EXOC6B: variants seen among roughly 807,000 people sequenced by gnomAD.
The protein encoded by EXOC6B is exocyst complex component 6B, also known as SEC15 homolog B.
A neutral mutation model predicts 113.5 loss-of-function variants in EXOC6B; 54 were observed. The observed-to-expected ratio is 0.48, with a 90% CI of 0.38 to 0.60. EXOC6B has a LOEUF of 0.60. Among genes scored for constraint, EXOC6B ranks in the 20% least tolerant of loss-of-function variants. EXOC6B has a pLI of 0.00. For missense variants in EXOC6B, 797 were observed against 977.5 expected (o/e 0.82, Z 2.46); for synonymous variants, 357 against 339.0 (o/e 1.05, Z -0.58).
At chr2:72,187,133 G>A (rs1491003143) in intron 20 of EXOC6B, among the ~76,000 whole-genome samples, 1 of 152,122 alleles carries the variant, frequency 6.6e-6, no homozygotes, top group Non-Finnish European at 1.5e-5. Context: ...GAATGCAGCT[G>A]GACCAGGTGC....
chr2:72,480,202 TA>T (rs57087043), intron 17 of EXOC6B, among the ~76,000 whole-genome samples: 33,071 of 144,544 alleles, frequency 0.23, 5,918 homozygotes, highest in African/African-American at 0.51. Flanking sequence ...AGATTTGATT[TA>T]AAAAAAAAAA....
In EXOC6B at chr2:72,532,723, G is replaced by T. The variant is rs372170919; in HGVS notation, c.916-17597C>A. On this transcript the variant is annotated intron_variant, in intron 8 of 21. Transcript: ENST00000272427. ...CTCTGGAGGCTGAGGCAGGAGAATTGCTTGGACCCAGGAGGCGGAGGTTGC... is the reference window on the plus strand; with the variant it reads ...CTCTGGAGGCTGAGGCAGGAGAATTTCTTGGACCCAGGAGGCGGAGGTTGC... 3.4e-4 allele frequency among the ~76,000 whole-genome samples: 52 copies of T among 152,208 alleles called. 1 individual carries two copies. In the East Asian group the frequency reaches 9.3e-3, roughly 27 times the overall value.
intron 11 of EXOC6B, among the ~76,000 whole-genome samples, chr2:72,504,232 C>T (rs551092208): frequency 3.3e-5 from 5 of 152,098 alleles, no homozygotes; most frequent in South Asian, 2.1e-4. Context: ...AATTTTAAGA[C>T]GTCATTGTAT....
chr2:72,648,027 C>G (rs1673869496), intron 6 of EXOC6B, among the ~76,000 whole-genome samples: 1 of 152,052 alleles, frequency 6.6e-6, no homozygotes, highest in African/African-American at 2.4e-5. Flanking sequence ...TGCAATCTAT[C>G]CATCTGACAA....
At position 72,795,009 on chromosome 2, in the gene EXOC6B, T is replaced by C. The variant is rs146730745; in HGVS notation, c.113+30789A>G. Among the ~76,000 whole-genome samples, 638 of 152,322 alleles carry C rather than the reference T, an allele frequency of 4.2e-3. 5 individuals carry two copies. The highest frequency in any genetic ancestry group is 0.015 in the African/African-American group (616 of 41,564). ...TCTAGAAATAACAATTAGTACAGTGTGGCTACATCAGTGGTTCTCAAGCCT... is the reference window on the plus strand; with the variant it reads ...TCTAGAAATAACAATTAGTACAGTGCGGCTACATCAGTGGTTCTCAAGCCT... On this transcript the variant is annotated intron_variant, in intron 1 of 21. Coordinates refer to ENST00000272427, the MANE Select transcript of EXOC6B (RefSeq NM_015189.3).
At chr2:72,440,884 C>A (rs1191273321) in intron 18 of EXOC6B, among the ~76,000 whole-genome samples, 2 of 151,886 alleles carry the variant, frequency 1.3e-5, no homozygotes, top group African/African-American at 4.8e-5. Context: ...TGCTATCCTA[C>A]TTTCTGACAA....
intron 6 of EXOC6B, among the ~76,000 whole-genome samples, chr2:72,585,756 G>A (rs976327573): frequency 6.6e-6 from 1 of 151,998 alleles, no homozygotes; most frequent in Non-Finnish European, 1.5e-5. Context: ...GGAAGATAGT[G>A]AAACCCTGCT....
chr2:72,715,740 T>C (rs1285807042), intron 6 of EXOC6B, among the ~76,000 whole-genome samples: 1 of 152,138 alleles, frequency 6.6e-6, no homozygotes, highest in Non-Finnish European at 1.5e-5. Flanking sequence ...AGCTTCTTCA[T>C]TGTATATTGG....
intron 1 of EXOC6B, among the ~76,000 whole-genome samples, chr2:72,777,775 G>A (rs1025716489): frequency 6.6e-6 from 1 of 151,876 alleles, no homozygotes; most frequent in Non-Finnish European, 1.5e-5. Context: ...AGCATACATT[G>A]TATAAAGATG....
At position 72,248,360 on chromosome 2, in the gene EXOC6B, C is replaced by T. The variant is rs114979471; in HGVS notation, c.2197-64173G>A. On this transcript the variant is annotated intron_variant, in intron 20 of 21. Transcript: ENST00000272427. ...TCATAAATAGCACTTAGTAGAGACA[C>T]TTCAAATATAATGGTTTTATCTGGA... 1.4e-3 allele frequency among the ~76,000 whole-genome samples: 208 copies of T among 152,212 alleles called. 1 individual carries two copies. Among genetic ancestry groups the T allele is most frequent in the African/African-American group, 4.8e-3 (199 of 41,522 alleles).
intron 20 of EXOC6B, among the ~76,000 whole-genome samples, chr2:72,317,918 G>C (rs989347161): frequency 3.3e-5 from 5 of 152,170 alleles, no homozygotes; most frequent in African/African-American, 9.7e-5. Flanking sequence ...GCTCTGGAAA[G>C]AATCTAGGAG....
chr2:72,360,821 G>T (rs1222126657), intron 19 of EXOC6B, among the ~76,000 whole-genome samples: 1 of 149,174 alleles, frequency 6.7e-6, no homozygotes, highest in Non-Finnish European at 1.5e-5. Flanking sequence ...GATAGTAAAA[G>T]AAATCATGGA....
chr2:72,731,189 A>G lies in EXOC6B; in HGVS notation c.384T>C (p.Ser128=). 6.2e-7 allele frequency: 1 copy of G among 1,613,432 alleles called. No homozygotes were observed. Among genetic ancestry groups the G allele is most frequent in the South Asian group, 1.1e-5 (1 of 90,940 alleles). Residue 128 remains serine, a synonymous_variant, in exon 4 of 22, where the codon TCT becomes TCC. Coordinates refer to ENST00000272427, the MANE Select transcript of EXOC6B (RefSeq NM_015189.3). Reference sequence around the variant, plus strand: ...ACAGCATTAATTTATCAACAGTGGCAGAAATATTTCTCTGTTGTAGTCGAC... The same window carrying G: ...ACAGCATTAATTTATCAACAGTGGCGGAAATATTTCTCTGTTGTAGTCGAC... ...KQCRLQQRNI[S]ATVDKLMLCL...
chr2:72,297,812 GT>G (rs1686233836), intron 20 of EXOC6B, among the ~76,000 whole-genome samples: 1 of 152,138 alleles, frequency 6.6e-6, no homozygotes, highest in African/African-American at 2.4e-5. Context: ...TTGAGTGACT[GT>G]TTTAATCCTG....
intron 1 of EXOC6B, among the ~76,000 whole-genome samples, chr2:72,806,545 C>A (rs942161065): frequency 6.6e-6 from 1 of 152,112 alleles, no homozygotes; most frequent in African/African-American, 2.4e-5. Context: ...TAGGTATATA[C>A]CCAGTAATGG....
At chr2:72,741,915 G>C (rs1681349574) in intron 1 of EXOC6B, among the ~76,000 whole-genome samples, 1 of 152,226 alleles carries the variant, frequency 6.6e-6, no homozygotes, top group African/African-American at 2.4e-5. Context: ...AATATCGCTA[G>C]ATAATTCTAC....
At chr2:72,643,934 G>C (rs535623271) in intron 6 of EXOC6B, among the ~76,000 whole-genome samples, 1 of 152,198 alleles carries the variant, frequency 6.6e-6, no homozygotes, top group South Asian at 2.1e-4. Context: ...GAACAAAGCT[G>C]GATGGAGAAT....
chr2:72,651,705 C>G (rs897603873), intron 6 of EXOC6B, among the ~76,000 whole-genome samples: 2 of 152,178 alleles, frequency 1.3e-5, no homozygotes, highest in African/African-American at 4.8e-5. Context: ...ATGCCATTCT[C>G]CTGCCTCAGC....
chr2:72,227,235 A>C (rs1475228921), intron 20 of EXOC6B, among the ~76,000 whole-genome samples: 1 of 152,194 alleles, frequency 6.6e-6, no homozygotes, highest in Non-Finnish European at 1.5e-5. Flanking sequence ...AGATAAATTT[A>C]AAATATGAGG....
Sources: gnomAD v4.1 joint callset for allele counts (sites outside exome capture counted in the v4.1 genomes callset) on GRCh38, gnomAD v4.1.1 for gene constraint, MANE v1.5 for transcripts, NCBI Gene and HGNC (gene_info 2026-07-23, HGNC 2026-07-21) for gene names.